Variants in PTPRD observed in about 807,000 individuals in gnomAD.
PTPRD encodes the protein protein tyrosine phosphatase receptor type D, also known as receptor-type tyrosine-protein phosphatase delta.
PTPRD carries 34 observed loss-of-function variants against 214.5 expected under a neutral mutation model. The ratio of observed to expected loss-of-function variants is 0.16; its 90% confidence interval spans 0.12 to 0.21. The LOEUF is 0.21. PTPRD is among the 10% of genes least tolerant of loss of function. PTPRD has a pLI of 1.00. For missense variants in PTPRD, 2,545 were observed against 2,398.7 expected (o/e 1.06, Z -1.27); for synonymous variants, 1,128 against 845.7 (o/e 1.33, Z -5.79).
chr9:10,124,722 G>C (rs935094740), intron 3 of PTPRD, among the ~76,000 whole-genome samples: 2 of 152,148 alleles, frequency 1.3e-5, no homozygotes, highest in African/African-American at 4.8e-5. Flanking sequence ...TTCTGCTAAT[G>C]TTGTAATAAT....
chr9:8,430,987 T>C (rs751197692), intron 35 of PTPRD, among the ~76,000 whole-genome samples: 2 of 152,216 alleles, frequency 1.3e-5, no homozygotes, highest in Non-Finnish European at 2.9e-5. Flanking sequence ...TTCTATATTT[T>C]CTCAGCACTG....
At chr9:8,399,178 G>C (rs973165999) in intron 36 of PTPRD, among the ~76,000 whole-genome samples, 10 of 131,296 alleles carry the variant, frequency 7.6e-5, no homozygotes, top group South Asian at 2.4e-4. Flanking sequence ...CTTATCTTTT[G>C]ATCTCAGGAT....
At chr9:8,550,003 C>G (rs1230476445) in intron 14 of PTPRD, among the ~76,000 whole-genome samples, 3 of 152,042 alleles carry the variant, frequency 2.0e-5, no homozygotes, top group Non-Finnish European at 4.4e-5. Context: ...AGACAAACAT[C>G]ACTGATTAAC....
intron 7 of PTPRD, among the ~76,000 whole-genome samples, chr9:9,578,287 CAA>C (rs1429788339): frequency 6.6e-6 from 1 of 151,872 alleles, no homozygotes; most frequent in Non-Finnish European, 1.5e-5. Flanking sequence ...GTTATACATT[CAA>C]GTTTAATTTT....
intron 3 of PTPRD, among the ~76,000 whole-genome samples, chr9:10,283,253 G>A (rs1255963232): frequency 1.3e-5 from 2 of 152,018 alleles, no homozygotes; most frequent in African/African-American, 4.8e-5. Context: ...CCTGATGTAT[G>A]TGCTTATAGC....
At chr9:9,496,970 C>A (rs909862069) in intron 8 of PTPRD, among the ~76,000 whole-genome samples, 1 of 152,054 alleles carries the variant, frequency 6.6e-6, no homozygotes, top group Non-Finnish European at 1.5e-5. Context: ...AGGACATTAT[C>A]CTAAATGAAA....
intron 12 of PTPRD, among the ~76,000 whole-genome samples, chr9:8,638,495 T>C (rs2096497244): frequency 6.6e-6 from 1 of 152,226 alleles, no homozygotes; most frequent in African/African-American, 2.4e-5. Flanking sequence ...TACATTAATT[T>C]ACAAAAATTG....
intron 3 of PTPRD, among the ~76,000 whole-genome samples, chr9:10,121,493 C>T (rs1191939963): frequency 6.6e-6 from 1 of 152,040 alleles, no homozygotes. Context: ...CAACACATAA[C>T]AAAACACGAG....
chr9:10,428,207 T>A (rs1336959219), intron 2 of PTPRD, among the ~76,000 whole-genome samples: 1 of 151,858 alleles, frequency 6.6e-6, no homozygotes, highest in African/African-American at 2.4e-5. Context: ...TAATCCCAGC[T>A]ACTTGGGAGG....
intron 11 of PTPRD, chr9:8,962,137 C>G (rs1174172267): frequency 1.3e-5 from 2 of 152,062 alleles, no homozygotes; most frequent in African/African-American, 2.4e-5. Flanking sequence ...TTGTTATGTG[C>G]TAACCATCCT....
chr9:10,101,094 T>G lies in PTPRD; in HGVS notation c.-544-67304A>C, dbSNP rs547260986. On this transcript the variant is annotated intron_variant, in intron 3 of 45. Transcript: ENST00000381196. ...AATAATTTCACTTAATTGCAAGTTTTACATTCAGATGGGACTGACTGAAAG... is the reference window on the plus strand; with the variant it reads ...AATAATTTCACTTAATTGCAAGTTTGACATTCAGATGGGACTGACTGAAAG... Among the ~76,000 whole-genome samples, 10 of 151,710 alleles carry G rather than the reference T, an allele frequency of 6.6e-5. No individual in the cohort carries two copies. The South Asian group carries it at 1.9e-3, about 28-fold the overall frequency.
intron 9 of PTPRD, among the ~76,000 whole-genome samples, chr9:9,282,994 T>C (rs1948249654): frequency 6.6e-6 from 1 of 151,482 alleles, no homozygotes. Flanking sequence ...CAATATCCAC[T>C]CTCATCTGAC....
chr9:9,175,865 A>T (rs2099924508), intron 10 of PTPRD, among the ~76,000 whole-genome samples: 1 of 152,088 alleles, frequency 6.6e-6, no homozygotes, highest in South Asian at 2.1e-4. Context: ...CATATTATAA[A>T]TGCGGAGCCA....
At chr9:9,754,283 C>G (rs774958977) in intron 6 of PTPRD, among the ~76,000 whole-genome samples, 1 of 152,042 alleles carries the variant, frequency 6.6e-6, no homozygotes, top group Non-Finnish European at 1.5e-5. Flanking sequence ...CAAATTCTTA[C>G]ACGCCCCGTA....
At chr9:9,469,636 A>AAT (rs2094457381) in intron 8 of PTPRD, among the ~76,000 whole-genome samples, 1 of 152,178 alleles carries the variant, frequency 6.6e-6, no homozygotes, top group Non-Finnish European at 1.5e-5. Flanking sequence ...TACATTCTAC[A>AAT]ATATATATTA....
chr9:8,679,969 A>G (rs190287180), intron 12 of PTPRD, among the ~76,000 whole-genome samples: 8 of 152,350 alleles, frequency 5.3e-5, no homozygotes, highest in Admixed American at 4.6e-4. Context: ...AATTGGCCAG[A>G]AAGCAAATTA....
At chr9:8,451,044 C>T (rs762428897) in intron 33 of PTPRD, among the ~76,000 whole-genome samples, 1 of 152,090 alleles carries the variant, frequency 6.6e-6, no homozygotes, top group Non-Finnish European at 1.5e-5. Context: ...TCATTCAATG[C>T]CACCCAGGTC....
chr9:9,046,540 C>T (rs2154387471), intron 10 of PTPRD, among the ~76,000 whole-genome samples: 1 of 152,272 alleles, frequency 6.6e-6, no homozygotes, highest in Non-Finnish European at 1.5e-5. Flanking sequence ...CATTTTGTTA[C>T]TAACGTCTTC....
chr9:8,895,732 G>A (rs1177821593), intron 11 of PTPRD, among the ~76,000 whole-genome samples: 1 of 152,156 alleles, frequency 6.6e-6, no homozygotes, highest in Non-Finnish European at 1.5e-5. Flanking sequence ...GAGTGCTGCT[G>A]AAATGTGAGA....
Sources: allele counts gnomAD v4.1 joint callset (sites outside exome capture counted in the v4.1 genomes callset), GRCh38; gene constraint gnomAD v4.1.1; transcripts MANE v1.5; gene names NCBI Gene and HGNC (gene_info 2026-07-23, HGNC 2026-07-21).